The following ZNF516 variants were observed in gnomAD, a reference collection of about 807,000 sequenced individuals.
ZNF516 encodes zinc finger protein 516.
ZNF516 carries 19 observed loss-of-function variants against 79.7 expected under a neutral mutation model. The observed-to-expected ratio is 0.24, with a 90% CI of 0.17 to 0.35. The LOEUF (loss-of-function observed/expected upper bound fraction) is 0.35. Among genes scored for constraint, ZNF516 ranks in the 10% least tolerant of loss-of-function variants. The pLI is 1.00. For synonymous variants in ZNF516, 877 were observed against 739.5 expected (o/e 1.19, Z -3.02); for missense variants, 1,678 against 1,679.5 (o/e 1.00, Z 0.02).
chr18:76,444,850 G>C (rs1405200454), intron 2 of ZNF516, among the ~76,000 whole-genome samples: 1 of 152,198 alleles, frequency 6.6e-6, no homozygotes, highest in Non-Finnish European at 1.5e-5. Context: ...CCCATGCTGT[G>C]CCCTCTCACA....
At position 76,422,959 on chromosome 18, in the gene ZNF516, T is replaced by G. The variant is rs1373090623; in HGVS notation, c.1810+18286A>C. The stretch of plus-strand genomic sequence containing the variant: ...CCTGATAAAGGAAGACAAGATGTAC[T>G]CTCAATATCACACTGAGCTCCGCAA... On this transcript the variant is annotated intron_variant, in intron 3 of 6. Transcript: ENST00000443185. 2.6e-5 allele frequency among the ~76,000 whole-genome samples: 4 copies of G among 152,288 alleles called. No individual in the cohort carries two copies. The South Asian group carries it at 8.3e-4, about 32-fold the overall frequency.
rs199570810 is a variant in ZNF516 at position 76,442,133 on chromosome 18, G to T, written c.922C>A (p.Pro308Thr). The change falls in exon 3 of 7, where the codon CCC (proline) becomes ACC (threonine). Residue 308 changes from proline to threonine, a missense_variant. Coordinates refer to ENST00000443185, the MANE Select transcript of ZNF516 (RefSeq NM_014643.4). Reference sequence around the variant, plus strand: ...GCGATGGGGTCCAGCTCACTCTTGGGCCTGTTCTTGCTGCCCGTCTTGGGG... The same window carrying T: ...GCGATGGGGTCCAGCTCACTCTTGGTCCTGTTCTTGCTGCCCGTCTTGGGG... ...HGPKTGSKNR[P>T]KSELDPIATI... 5.2e-4 allele frequency: 845 copies of T among 1,613,844 alleles called. No individual in the cohort carries two copies. The highest frequency in any genetic ancestry group is 6.4e-4 in the Non-Finnish European group (756 of 1,179,892).
intron 1 of ZNF516, among the ~76,000 whole-genome samples, chr18:76,464,590 G>T (rs1379047848): frequency 2.0e-5 from 3 of 151,962 alleles, no homozygotes; most frequent in Non-Finnish European, 2.9e-5. Context: ...CCCCCAGCCT[G>T]GCCATTTCAG....
chr18:76,474,879 G>A (rs1914087208), intron 1 of ZNF516, among the ~76,000 whole-genome samples: 1 of 152,068 alleles, frequency 6.6e-6, no homozygotes, highest in Non-Finnish European at 1.5e-5. Flanking sequence ...TTGTTAATAT[G>A]GATGAAAAAT....
In ZNF516 at chr18:76,371,460, G is replaced by A; in HGVS notation, c.3364+7C>T. 1 of 1,603,292 alleles carries A rather than the reference G, an allele frequency of 6.2e-7. No homozygotes were observed. ...CCCTTGGGGATAGCTGGGCGGGAGG[G>A]CGATACCTGAGTGTGCCCGCATGTG... On this transcript the variant is annotated splice_region_variant and intron_variant, in intron 5 of 6. Transcript: ENST00000443185.
intron 3 of ZNF516, chr18:76,386,519 A>G (rs1191086280): frequency 1.3e-5 from 2 of 152,198 alleles, no homozygotes; most frequent in African/African-American, 4.8e-5. Context: ...GTTCCACAAT[A>G]TTAAGATTAT....
At chr18:76,409,061 A>G (rs544495138) in intron 3 of ZNF516, among the ~76,000 whole-genome samples, 16 of 152,384 alleles carry the variant, frequency 1.0e-4, no homozygotes, top group African/African-American at 3.4e-4. Context: ...AGAAACATAC[A>G]GCAAATAACT....
intron 1 of ZNF516, among the ~76,000 whole-genome samples, chr18:76,470,203 G>A (rs1210015738): frequency 6.6e-6 from 1 of 152,152 alleles, no homozygotes. Context: ...GACAATTCAC[G>A]TTAACTGCTG....
rs773729946 is a variant in ZNF516 at position 76,442,351 on chromosome 18, C to G, written c.704G>C (p.Cys235Ser). 67 of 1,609,820 alleles carry G rather than the reference C, an allele frequency of 4.2e-5. No homozygotes were observed. The highest frequency in any genetic ancestry group is 3.3e-5 in the South Asian group (3 of 90,874). Residue 235 changes from cysteine to serine, a missense_variant, in exon 3 of 7, where the codon TGC becomes TCC. Around this residue, in one of 5 missense-constraint regions of ZNF516, gnomAD observed 279 missense variants for 254.1 expected, o/e 1.10. Transcript: ENST00000443185. Reference protein sequence around the residue: ...TAQGPGSGEACVENGKPELSP... With the variant: ...TAQGPGSGEASVENGKPELSP... The stretch of plus-strand genomic sequence containing the variant: ...CAGCTCGGGCTTGCCGTTCTCCACG[C>G]AGGCCTCGCCGCTGCCGGGCCCCTG...
chr18:76,475,038 C>CAA (rs2145748926), intron 1 of ZNF516, among the ~76,000 whole-genome samples: 1 of 152,284 alleles, frequency 6.6e-6, no homozygotes, highest in East Asian at 1.9e-4. Context: ...ATCTTTCACA[C>CAA]ATTTTAAGAA....
intron 1 of ZNF516, among the ~76,000 whole-genome samples, chr18:76,486,433 A>T (rs1761353164): frequency 6.6e-6 from 1 of 152,226 alleles, no homozygotes. Context: ...GGGATTAGAG[A>T]GTTCTTCAAG....
At chr18:76,388,059 AGAG>A (rs962512988) in intron 3 of ZNF516, 2 of 152,196 alleles carry the variant, frequency 1.3e-5, no homozygotes, top group Non-Finnish European at 2.9e-5. Flanking sequence ...GGACAGTCAG[AGAG>A]GAGGTCGGCC....
chr18:76,424,324 G>A lies in ZNF516; in HGVS notation c.1810+16921C>T, dbSNP rs1486606829. ...CACATGCAGGTGAAAAGGCTCCCCC[G>A]AAACACACACAGGTAAAAAGGCTTC... On this transcript the variant is annotated intron_variant, in intron 3 of 6. Transcript: ENST00000443185. Among the ~76,000 whole-genome samples the A allele has an allele frequency of 9.9e-5, 3 of 30,260 alleles. 1 individual carries two copies. The highest frequency in any genetic ancestry group is 7.6e-4 in the Admixed American group (2 of 2,628). 19.9% of individuals were successfully genotyped at this position (30,260 alleles called of 152,430 possible).
At chr18:76,491,703 C>G (rs1225249979) in intron 1 of ZNF516, 3 of 156,274 alleles carry the variant, frequency 1.9e-5, no homozygotes, top group Admixed American at 6.6e-5. Flanking sequence ...AGTCCCCCCC[C>G]GACCCGCCCC....
chr18:76,491,296 G>T (rs867709517), intron 1 of ZNF516, among the ~76,000 whole-genome samples: 2 of 22,888 alleles, frequency 8.7e-5, no homozygotes, highest in Non-Finnish European at 1.6e-4. Context: ...CCCCGGCCCC[G>T]GCCCTCCACA....
rs1481414261 is a variant in ZNF516 at position 76,391,394 on chromosome 18, C to A, written c.1811-11091G>T. 2.0e-5 allele frequency among the ~76,000 whole-genome samples: 3 copies of A among 152,226 alleles called. No individual in the cohort carries two copies. In the South Asian group the frequency reaches 6.2e-4, roughly 32 times the overall value. On this transcript the variant is annotated intron_variant, in intron 3 of 6. Transcript: ENST00000443185. ...AACCCTAACCGTGAACCAACCATAA[C>A]CCTAAACCTAACCGCTAACCATAAC...
chr18:76,485,397 C>T (rs998709263), intron 1 of ZNF516, among the ~76,000 whole-genome samples: 1 of 152,206 alleles, frequency 6.6e-6, no homozygotes, highest in Non-Finnish European at 1.5e-5. Context: ...CCAAAGGCAA[C>T]GTGCACTCAC....
chr18:76,440,714 G>A (rs9962551), intron 3 of ZNF516, among the ~76,000 whole-genome samples: 2 of 149,270 alleles, frequency 1.3e-5, no homozygotes, highest in Non-Finnish European at 3.0e-5. Flanking sequence ...TACCCAGCTG[G>A]AGTGGAGGAA....
At chr18:76,475,068 C>G (rs71363005) in intron 1 of ZNF516, among the ~76,000 whole-genome samples, 43,737 of 152,052 alleles carry the variant, frequency 0.29, 7,781 homozygotes, top group East Asian at 0.41. Context: ...ATATAGGCTA[C>G]CTGAATGTTT....
Sources: gnomAD v4.1 joint callset for allele counts (sites outside exome capture counted in the v4.1 genomes callset) on GRCh38, gnomAD v4.1.1 for gene constraint, gnomAD v4.1.1 regional missense constraint, MANE v1.5 for transcripts, NCBI Gene and HGNC (gene_info 2026-07-23, HGNC 2026-07-21) for gene names.